The following ZNF701 variants were observed in gnomAD, a reference collection of about 807,000 sequenced individuals.
ZNF701 encodes zinc finger protein 701.
A neutral mutation model predicts 7.1 loss-of-function variants in ZNF701; 6 were observed. The observed-to-expected ratio is 0.84, with a 90% CI of 0.46 to 1.66. The LOEUF (loss-of-function observed/expected upper bound fraction) is 1.66, where lower values mean the gene tolerates loss of function less well. Ranked by LOEUF, ZNF701 falls within the 40% of genes most tolerant of loss-of-function variation. The pLI is 0.01. For synonymous variants in ZNF701, 166 were observed against 188.2 expected (o/e 0.88, Z 0.97); for missense variants, 541 against 559.2 (o/e 0.97, Z 0.33).
downstream of ZNF701, chr19:52,588,360 C>A: frequency 6.5e-6 from 1 of 154,634 alleles, no homozygotes; most frequent in Admixed American, 6.5e-5. Context: ...GCAGCGCATG[C>A]CTGTAATCCC....
rs1008026418 is a variant in ZNF701 at position 52,579,089 on chromosome 19, GATAAA to G, written c.142+3075_142+3079del. ...AAACAGAAATGAAGTGTGTTGTATA[GATAAA>G]ATAAAAAGGCATGAAAAAAACACTG... On this transcript the variant is annotated intron_variant, in intron 3 of 3. Coordinates refer to ENST00000391785, the MANE Select transcript of ZNF701 (RefSeq NM_018260.3). 9.4e-5 allele frequency among the ~76,000 whole-genome samples: 13 copies of G among 138,950 alleles called. 1 individual carries two copies. Among genetic ancestry groups the G allele is most frequent in the Admixed American group, 5.5e-4 (8 of 14,474 alleles). The allele number at this position is 138,950 out of a possible 152,430, so 91.2% of individuals were successfully genotyped here.
At chr19:52,590,485 T>C (rs2060032791), downstream of ZNF701, among the ~76,000 whole-genome samples, 1 of 152,146 alleles carries the variant, frequency 6.6e-6, no homozygotes, top group Non-Finnish European at 1.5e-5. Flanking sequence ...AGCCCTAGGG[T>C]TTCTGTGTAG....
Position 52,583,853 on chromosome 19 carries a change from C to A in ZNF701, c.*396C>A. The A allele has an allele frequency of 1.9e-6, 1 of 513,734 alleles. No individual in the cohort carries two copies. Among genetic ancestry groups the A allele is most frequent in the South Asian group, 1.8e-5 (1 of 54,404 alleles). 31.8% of individuals were successfully genotyped at this position (513,734 alleles called of 1,614,324 possible). A position where few individuals can be genotyped will look rare whatever the true frequency, so the allele number is the denominator to read the frequency against. ...CAGCCATTGCAAAACATTGGAGAAT[C>A]CATAATGAAGGAGGTCTTACAAGTG... is the stretch of plus-strand genomic sequence containing the variant. On this transcript the variant is annotated 3_prime_UTR_variant, in exon 4 of 4. Transcript: ENST00000391785.
the ZNF701 span, among the ~76,000 whole-genome samples, chr19:52,594,859 T>C: frequency 6.6e-6 from 1 of 152,320 alleles, no homozygotes; most frequent in South Asian, 2.1e-4. Flanking sequence ...TCACTGGCAC[T>C]GTGACAGTGT....
chr19:52,582,692 A>G lies in ZNF701; in HGVS notation c.633A>G (p.Arg211=), dbSNP rs2059983517. 2 of 1,614,060 alleles carry G rather than the reference A, an allele frequency of 1.2e-6. No homozygotes were observed. Among genetic ancestry groups the G allele is most frequent in the Non-Finnish European group, 1.7e-6 (2 of 1,180,030 alleles). ...LLTQKREVHT[R]EKSFQRNESG... is the part of the protein sequence containing the mutation. ...CACAAAAACGGGAAGTACACACAAG[A>G]GAAAAATCTTTCCAACGTAATGAGA... The change falls in exon 4 of 4, where the codon AGA becomes AGG. Residue 211 remains arginine, a synonymous_variant. Transcript: ENST00000391785.
intron 3 of ZNF701, among the ~76,000 whole-genome samples, chr19:52,577,753 T>C (rs2059944858): frequency 6.6e-6 from 1 of 151,934 alleles, no homozygotes; most frequent in African/African-American, 2.4e-5. Context: ...CAGGGAACAC[T>C]CTGCTCCACC....
At chr19:52,599,078 G>A in the ZNF701 span, among the ~76,000 whole-genome samples, 12 of 151,246 alleles carry the variant, frequency 7.9e-5, no homozygotes, top group African/African-American at 2.9e-4. Context: ...ACCCAGGCTT[G>A]AGTGCAAGCC....
At chr19:52,588,599 A>T, downstream of ZNF701, 1 of 399,320 alleles carries the variant, frequency 2.5e-6, no homozygotes, top group Non-Finnish European at 4.8e-6. Flanking sequence ...GGAGCCAGGG[A>T]CGGCTCTTCC....
chr19:52,591,153 G>A (rs2060035393), downstream of ZNF701, among the ~76,000 whole-genome samples: 3 of 151,812 alleles, frequency 2.0e-5, no homozygotes, highest in Admixed American at 2.0e-4. Flanking sequence ...CATGTTTTAT[G>A]TAGAAAATAC....
Position 52,583,207 on chromosome 19 carries a change from A to C in ZNF701, c.1148A>C (p.Lys383Thr). The change falls in exon 4 of 4, where the codon AAG (lysine) becomes ACG (threonine). Residue 383 changes from lysine (K) to threonine (T), a missense_variant. Coordinates refer to ENST00000391785, the MANE Select transcript of ZNF701 (RefSeq NM_018260.3). The part of the protein sequence containing the change: ...TVIHTGEKPY[K>T]CNECGKTFVQ... ...ATTCACACTGGAGAGAAACCTTACA[A>C]GTGTAATGAGTGTGGCAAGACCTTT... The C allele has an allele frequency of 6.2e-7, 1 of 1,610,234 alleles. No individual in the cohort carries two copies. The highest frequency in any genetic ancestry group is 8.5e-7 in the Non-Finnish European group (1 of 1,177,084).
intron 3 of ZNF701, among the ~76,000 whole-genome samples, chr19:52,581,214 T>G (rs2059973322): frequency 6.6e-6 from 1 of 152,128 alleles, no homozygotes; most frequent in African/African-American, 2.4e-5. Context: ...TTTAGAAAAA[T>G]ACGGTGTTAA....
rs980538353 is a variant in ZNF701, at chr19:52,575,048, G to C, written c.16-847G>C. Among the ~76,000 whole-genome samples the C allele has an allele frequency of 3.9e-5, 6 of 152,166 alleles. No homozygotes were observed. In the South Asian group the frequency reaches 8.3e-4, roughly 21 times the overall value. On this transcript the variant is annotated intron_variant, in intron 2 of 3. Coordinates refer to ENST00000391785, the MANE Select transcript of ZNF701 (RefSeq NM_018260.3). ...GCAGTGGCACGATCTCCGCTCACTGGAAGCTCCGCCTCCCAGGTTTACACC... is the reference window on the plus strand; with the variant it reads ...GCAGTGGCACGATCTCCGCTCACTGCAAGCTCCGCCTCCCAGGTTTACACC...
intron 3 of ZNF701, among the ~76,000 whole-genome samples, chr19:52,580,688 C>A (rs1276477872): frequency 6.6e-6 from 1 of 152,114 alleles, no homozygotes; most frequent in Non-Finnish European, 1.5e-5. Context: ...CTGCAGGCTG[C>A]ATACATGTAC....
Position 52,582,910 on chromosome 19 carries a change from C to G in ZNF701, c.851C>G (p.Ala284Gly). The G allele has an allele frequency of 6.2e-7, 1 of 1,614,058 alleles. No individual in the cohort carries two copies. Among genetic ancestry groups the G allele is most frequent in the Non-Finnish European group, 8.5e-7 (1 of 1,180,004 alleles). ...ECGKTFSHNS[A>G]LLVHKAIHTG... ...GGCAAGACATTCAGTCACAATTCAG[C>G]CCTGTTAGTTCACAAGGCAATTCAT... The change falls in exon 4 of 4, where the codon GCC becomes GGC. Residue 284 changes from alanine to glycine, a missense_variant. Ala to Gly is a moderately conservative substitution (Grantham distance 60). Coordinates refer to ENST00000391785, the MANE Select transcript of ZNF701 (RefSeq NM_018260.3).
intron 2 of ZNF701, among the ~76,000 whole-genome samples, chr19:52,575,234 G>A (rs1249784078): frequency 6.6e-6 from 1 of 152,118 alleles, no homozygotes; most frequent in African/African-American, 2.4e-5. Context: ...CCCCCAAAGT[G>A]CTGGGATTAC....
intron 3 of ZNF701, among the ~76,000 whole-genome samples, chr19:52,577,083 C>T (rs576941250): frequency 3.0e-4 from 45 of 152,242 alleles, no homozygotes; most frequent in African/African-American, 1.1e-3. Flanking sequence ...CCCCACTTAT[C>T]CCTCTGCTCT....
In ZNF701 at chr19:52,575,940, G is replaced by A. The variant is rs200388968; in HGVS notation, c.61G>A (p.Glu21Lys). 3.7e-4 allele frequency: 579 copies of A among 1,564,204 alleles called. 1 individual carries two copies. The African/African-American group carries it at 6.0e-3, about 16-fold the overall frequency. ...TGTGGCCATAGAATTCTCTCAGGAG[G>A]AGTGGAAATGCCTGGACCCTGCTCA... ...RDVAIEFSQE[E>K]WKCLDPAQRT... The change falls in exon 3 of 4, where the codon GAG (glutamate) becomes AAG (lysine). Residue 21 changes from glutamate (E) to lysine (K), a missense_variant. Physicochemically the swap from Glu to Lys is moderately conservative, Grantham distance 56. Coordinates refer to ENST00000391785, the MANE Select transcript of ZNF701 (RefSeq NM_018260.3).
At chr19:52,572,891 A>G (rs528468881) in intron 1 of ZNF701, among the ~76,000 whole-genome samples, 3 of 152,028 alleles carry the variant, frequency 2.0e-5, no homozygotes, top group South Asian at 2.1e-4. Flanking sequence ...GTCTCAGGTC[A>G]TTTTCACTGC....
In ZNF701 at chr19:52,574,182, G is replaced by A. The variant is rs779002459; in HGVS notation, c.15+20G>A. On this transcript the variant is annotated intron_variant, in intron 2 of 3. Coordinates refer to ENST00000391785, the MANE Select transcript of ZNF701 (RefSeq NM_018260.3). Reference sequence around the variant, plus strand: ...CTTCAGGTGAGATGATATTCTCGGGGGATTGTTCTGTCTCCTTCCTTTCAG... The same window carrying A: ...CTTCAGGTGAGATGATATTCTCGGGAGATTGTTCTGTCTCCTTCCTTTCAG... 2.5e-6 allele frequency: 4 copies of A among 1,606,046 alleles called. No individual in the cohort carries two copies. The Admixed American group carries it at 5.0e-5, about 20-fold the overall frequency.
Sources: gnomAD v4.1 joint callset for allele counts (sites outside exome capture counted in the v4.1 genomes callset) on GRCh38, gnomAD v4.1.1 for gene constraint, MANE v1.5 for transcripts, NCBI Gene and HGNC (gene_info 2026-07-23, HGNC 2026-07-21) for gene names.